RWDD3: variants seen among roughly 807,000 people sequenced by gnomAD.
RWDD3 encodes RWD domain-containing protein 3.
A neutral mutation model predicts 26.5 loss-of-function variants in RWDD3; 30 were observed. The ratio of observed to expected loss-of-function variants is 1.13; its 90% CI spans 0.85 to 1.54. RWDD3 has a LOEUF of 1.54. RWDD3 is among the 40% of genes most tolerant of loss of function. The pLI is 0.00. For missense variants in RWDD3, 296 were observed against 309.1 expected (o/e 0.96, Z 0.32); for synonymous variants, 113 against 114.5 (o/e 0.99, Z 0.09).
intron 3 of RWDD3, 37 bp downstream of exon 3, chr1:95,246,694 G>A: frequency 6.5e-7 from 1 of 1,544,268 alleles, no homozygotes; most frequent in South Asian, 1.2e-5. Context: ...AAAAGCAACT[G>A]AATCGATAAT....
chr1:95,242,085 A>T (rs1035559724), intron 1 of RWDD3, among the ~76,000 whole-genome samples: 2 of 152,102 alleles, frequency 1.3e-5, no homozygotes, highest in Non-Finnish European at 2.9e-5. Flanking sequence ...GTTTGTGACT[A>T]TTTCCTATAA....
intron 1 of RWDD3, among the ~76,000 whole-genome samples, chr1:95,236,452 C>T (rs375104059): frequency 6.6e-6 from 1 of 152,128 alleles, no homozygotes; most frequent in Non-Finnish European, 1.5e-5. Context: ...GAGTTGACTT[C>T]CATTTATTCC....
chr1:95,239,700 A>G (rs373191267), intron 1 of RWDD3: 13 of 1,151,420 alleles, frequency 1.1e-5, no homozygotes, highest in African/African-American at 1.6e-5. Context: ...TTCCGAACAT[A>G]TAACTAGTAT....
chr1:95,239,854 C>A (rs1419013686), intron 1 of RWDD3: 1 of 1,289,686 alleles, frequency 7.8e-7, no homozygotes, highest in South Asian at 1.2e-5. Flanking sequence ...CAAGACTTTC[C>A]CCCTGGACTA....
intron 1 of RWDD3, chr1:95,237,406 A>G (rs560773353): frequency 3.3e-5 from 5 of 152,228 alleles, no homozygotes; most frequent in African/African-American, 1.2e-4. Context: ...ATTCCTGGTA[A>G]CAAGATAACC....
chr1:95,241,865 AC>A (rs796207667), intron 1 of RWDD3, among the ~76,000 whole-genome samples: 10 of 147,704 alleles, frequency 6.8e-5, no homozygotes, highest in South Asian at 2.2e-4. Context: ...ACCCCTCCCC[AC>A]CCCCCCCAGG....
At chr1:95,243,021 T>G (rs948545963) in intron 1 of RWDD3, 7 of 152,242 alleles carry the variant, frequency 4.6e-5, no homozygotes, top group Non-Finnish European at 1.5e-5. Flanking sequence ...ATTCTTCTTA[T>G]GAAATACACA....
chr1:95,235,875 AAAG>A (rs1253574007), intron 1 of RWDD3, among the ~76,000 whole-genome samples: 1 of 152,032 alleles, frequency 6.6e-6, no homozygotes, highest in Non-Finnish European at 1.5e-5. Flanking sequence ...AATAAAAAAA[AAAG>A]AAAAAACACT....
At chr1:95,237,405 A>G (rs1223742718) in intron 1 of RWDD3, 2 of 152,266 alleles carry the variant, frequency 1.3e-5, no homozygotes, top group Non-Finnish European at 2.9e-5. Flanking sequence ...CATTCCTGGT[A>G]ACAAGATAAC....
intron 2 of RWDD3, among the ~76,000 whole-genome samples, chr1:95,245,664 G>A (rs1680824316): frequency 6.6e-6 from 1 of 152,110 alleles, no homozygotes; most frequent in African/African-American, 2.4e-5. Context: ...ACTGACTGAG[G>A]AACCTCTTGT....
At chr1:95,244,972 GTGTT>G (rs755188992) in intron 2 of RWDD3, 5 of 353,212 alleles carry the variant, frequency 1.4e-5, no homozygotes, top group Admixed American at 4.4e-5. Context: ...TGGCACATGA[GTGTT>G]TGTTTCTGTA....
At chr1:95,245,792 C>A (rs1204791883) in intron 2 of RWDD3, among the ~76,000 whole-genome samples, 1 of 152,150 alleles carries the variant, frequency 6.6e-6, no homozygotes, top group Non-Finnish European at 1.5e-5. Flanking sequence ...ACTCAGATTT[C>A]TCTTTAAGCC....
chr1:95,242,811 C>T (rs1055392870), intron 1 of RWDD3, among the ~76,000 whole-genome samples: 3 of 151,808 alleles, frequency 2.0e-5, no homozygotes, highest in Non-Finnish European at 2.9e-5. Flanking sequence ...CCCAGCTACT[C>T]GGGAGGCTGA....
intron 1 of RWDD3, among the ~76,000 whole-genome samples, chr1:95,241,900 A>G (rs1680642875): frequency 6.6e-6 from 1 of 151,606 alleles, no homozygotes; most frequent in South Asian, 2.1e-4. Context: ...GCACCCACAG[A>G]TAATCAAAGG....
intron 1 of RWDD3, among the ~76,000 whole-genome samples, chr1:95,236,544 GCTTT>G (rs755512520): frequency 2.0e-5 from 3 of 152,142 alleles, no homozygotes; most frequent in Non-Finnish European, 4.4e-5. Context: ...TAATGGAGTT[GCTTT>G]CTTTTTAGTG....
chr1:95,246,481 A>T, intron 2 of RWDD3, 61 bp from the exon 3 acceptor site: 1 of 974,958 alleles, frequency 1.0e-6, no homozygotes, highest in Non-Finnish European at 1.6e-6. Flanking sequence ...TAGCTCCTTT[A>T]AAACTGGGAC....
chr1:95,242,117 T>A (rs1264885542), intron 1 of RWDD3, among the ~76,000 whole-genome samples: 1 of 152,244 alleles, frequency 6.6e-6, no homozygotes, highest in Non-Finnish European at 1.5e-5. Flanking sequence ...ATTTTTCCTC[T>A]GCAGTTTTTC....
At chr1:95,238,318 C>T (rs1680452470) in intron 1 of RWDD3, among the ~76,000 whole-genome samples, 1 of 152,142 alleles carries the variant, frequency 6.6e-6, no homozygotes, top group Non-Finnish European at 1.5e-5. Context: ...ACATTGACCC[C>T]TCTAAATCTG....
chr1:95,237,103 A>G (rs1446948291), intron 1 of RWDD3, among the ~76,000 whole-genome samples: 1 of 152,108 alleles, frequency 6.6e-6, no homozygotes, highest in African/African-American at 2.4e-5. Flanking sequence ...TAATTCAGTG[A>G]TTGAAATGGG....
Sources: allele counts gnomAD v4.1 joint callset (sites outside exome capture counted in the v4.1 genomes callset), GRCh38; gene constraint gnomAD v4.1.1; transcripts MANE v1.5; gene names NCBI Gene and HGNC (gene_info 2026-07-23, HGNC 2026-07-21).